Variants in NOP58 observed in about 807,000 individuals in gnomAD.
The protein encoded by NOP58 is nucleolar protein 58.
A neutral mutation model predicts 71.2 loss-of-function variants in NOP58; 44 were observed. That is an observed-to-expected ratio of 0.62 (90% CI 0.49 to 0.79). NOP58 has a LOEUF of 0.79. Among genes scored for constraint, NOP58 ranks in the 30% least tolerant of loss-of-function variants. The pLI, the probability that NOP58 is intolerant of heterozygous loss-of-function variation, is 0.00. For missense variants in NOP58, 538 were observed against 620.2 expected (o/e 0.87, Z 1.41); for synonymous variants, 228 against 200.3 (o/e 1.14, Z -1.17).
At chr2:202,290,233 C>A in intron 6 of NOP58, 90 bp from the exon 7 acceptor site, 1 of 1,086,186 alleles carries the variant, frequency 9.2e-7, no homozygotes. Context: ...AGCCACCGTG[C>A]CCAGCCTGAA....
chr2:202,272,177 G>T (rs1262864829), intron 1 of NOP58, among the ~76,000 whole-genome samples: 1 of 121,134 alleles, frequency 8.3e-6, no homozygotes. Flanking sequence ...TTTTTGAGAC[G>T]GAGTCTTGCT....
At chr2:202,285,466 C>G (rs1688771923) in intron 5 of NOP58, among the ~76,000 whole-genome samples, 1 of 151,344 alleles carries the variant, frequency 6.6e-6, no homozygotes, top group African/African-American at 2.4e-5. Flanking sequence ...CCACCTCAGC[C>G]TCCCAAGTAG....
At chr2:202,284,708 T>C in intron 5 of NOP58, 3 of 449,018 alleles carry the variant, frequency 6.7e-6, no homozygotes, top group Middle Eastern at 5.7e-4. Context: ...ATTGTCTGGA[T>C]TCTTAAAACC....
chr2:202,298,488 T>A (rs925498601), intron 12 of NOP58, among the ~76,000 whole-genome samples: 2 of 152,032 alleles, frequency 1.3e-5, no homozygotes, highest in Non-Finnish European at 2.9e-5. Flanking sequence ...CCATCTCTAC[T>A]AAAAATACAA....
intron 1 of NOP58, among the ~76,000 whole-genome samples, chr2:202,273,098 C>G (rs542886823): frequency 1.1e-4 from 16 of 152,216 alleles, no homozygotes; most frequent in Non-Finnish European, 1.9e-4. Flanking sequence ...GCACTCCAGC[C>G]TGGGCGACAG....
chr2:202,295,698 A>T lies in NOP58; in HGVS notation c.932A>T (p.His311Leu). The change falls in exon 10 of 15, where the codon CAT becomes CTT. Residue 311 changes from histidine to leucine, a missense_variant. Coordinates refer to ENST00000264279, the MANE Select transcript of NOP58 (RefSeq NM_015934.5). Reference sequence around the variant, plus strand: ...GGTTCTCTTTTAAATTTGGCCAAGCATGCAGCTTCTACCGTTCAGATTCTT... The same window carrying T: ...GGTTCTCTTTTAAATTTGGCCAAGCTTGCAGCTTCTACCGTTCAGATTCTT... The part of the protein sequence containing the change: ...HAGSLLNLAK[H>L]AASTVQILGA... 3 of 1,590,550 alleles carry T rather than the reference A, an allele frequency of 1.9e-6. No individual in the cohort carries two copies. The highest frequency in any genetic ancestry group is 2.6e-6 in the Non-Finnish European group (3 of 1,171,776).
chr2:202,296,567 A>G (rs1056693644), intron 10 of NOP58, among the ~76,000 whole-genome samples: 1 of 152,234 alleles, frequency 6.6e-6, no homozygotes, highest in African/African-American at 2.4e-5. Flanking sequence ...TGAGGCTTAG[A>G]CAAGTTAAGT....
rs1241091843 is a variant in NOP58, at chr2:202,284,661, G to A, written c.434+180G>A. ...CCCAAGGTCAATACAGCTGGTAAGT[G>A]GTAAAGCCAGGATTTGAACCCAGGC... On this transcript the variant is annotated intron_variant, in intron 5 of 14. Transcript: ENST00000264279. 3 of 577,660 alleles carry A rather than the reference G, an allele frequency of 5.2e-6. No homozygotes were observed. The East Asian group carries it at 9.4e-5, about 18-fold the overall frequency. The allele number at this position is 577,660 out of a possible 1,614,324, so 35.8% of individuals were successfully genotyped here. A position where few individuals can be genotyped will look rare whatever the true frequency, so the allele number is the denominator to read the frequency against.
rs869075798 is a variant in NOP58 at position 202,291,968 on chromosome 2, C to CTTTTTTTTTTTTTTTT, written c.780+719_780+734dup. On this transcript the variant is annotated intron_variant, in intron 8 of 14. Coordinates refer to ENST00000264279, the MANE Select transcript of NOP58 (RefSeq NM_015934.5). ...GATACAAATGTTTATTGCTCAGAAT[C>CTTTTTTTTTTTTTTTT]TTTTTTTTTTTTTTTTTTTTTTTTT... Among the ~76,000 whole-genome samples the CTTTTTTTTTTTTTTTT allele has an allele frequency of 1.6e-4, 7 of 43,946 alleles. 3 individuals carry two copies. Among genetic ancestry groups the CTTTTTTTTTTTTTTTT allele is most frequent in the Admixed American group, 1.1e-3 (4 of 3,498 alleles). The allele number at this position is 43,946 out of a possible 152,430, so 28.8% of individuals were successfully genotyped here.
intron 9 of NOP58, 125 bp downstream of exon 9, chr2:202,293,028 T>A: frequency 1.0e-6 from 1 of 988,628 alleles, no homozygotes. Flanking sequence ...GTAGATGATA[T>A]GTGGGAGATC....
intron 14 of NOP58, 93 bp from the exon 15 acceptor site, chr2:202,303,293 C>T: frequency 6.4e-7 from 1 of 1,555,432 alleles, no homozygotes; most frequent in Non-Finnish European, 8.7e-7. Flanking sequence ...CTCAAGCTTA[C>T]TTTTTTTATA....
At chr2:202,300,106 G>A (rs1689065814) in intron 12 of NOP58, 128 bp from the exon 13 acceptor site, 1 of 781,372 alleles carries the variant, frequency 1.3e-6, no homozygotes, top group African/African-American at 1.8e-5. Flanking sequence ...CTACCCCAAA[G>A]CCACTAAAAT....
chr2:202,286,457 A>G lies in NOP58; in HGVS notation c.435-1203A>G, dbSNP rs950883863. Among the ~76,000 whole-genome samples the G allele has an allele frequency of 3.3e-5, 5 of 152,006 alleles. No homozygotes were observed. The South Asian group carries it at 1.0e-3, about 32-fold the overall frequency. ...GAGGTGGAGCTTGCAGTGAGTGGAG[A>G]TTGCTCCACTGCACTCCAGCCTGGG... On this transcript the variant is annotated intron_variant, in intron 5 of 14. Coordinates refer to ENST00000264279, the MANE Select transcript of NOP58 (RefSeq NM_015934.5).
At chr2:202,287,593 T>G (rs1316389001) in intron 5 of NOP58, 67 bp from the exon 6 acceptor site, 1 of 1,256,512 alleles carries the variant, frequency 8.0e-7, no homozygotes, top group South Asian at 1.2e-5. Flanking sequence ...AAAAAAACTT[T>G]AAGGTGTTAA....
At chr2:202,287,553 A>T in intron 5 of NOP58, 107 bp from the exon 6 acceptor site, 2 of 772,262 alleles carry the variant, frequency 2.6e-6, no homozygotes, top group Non-Finnish European at 4.4e-6. Context: ...AGCTCTGACT[A>T]CAGGCTGATT....
intron 4 of NOP58, among the ~76,000 whole-genome samples, chr2:202,283,656 G>A (rs1251879560): frequency 6.6e-6 from 1 of 151,452 alleles, no homozygotes; most frequent in Admixed American, 6.6e-5. Flanking sequence ...GGCCAAGATG[G>A]TCTCGATCTA....
intron 3 of NOP58, chr2:202,278,319 A>G: frequency 4.0e-6 from 2 of 501,356 alleles, no homozygotes; most frequent in South Asian, 3.1e-5. Context: ...GGTGTTCTAC[A>G]AGGGACCAAG....
At chr2:202,271,890 C>T (rs1688516541) in intron 1 of NOP58, among the ~76,000 whole-genome samples, 1 of 152,080 alleles carries the variant, frequency 6.6e-6, no homozygotes, top group Non-Finnish European at 1.5e-5. Context: ...GCTGTAGTGA[C>T]ATAGGACCAC....
At chr2:202,267,929 A>T (rs1340011059) in intron 1 of NOP58, among the ~76,000 whole-genome samples, 2 of 152,218 alleles carry the variant, frequency 1.3e-5, no homozygotes, top group African/African-American at 2.4e-5. Context: ...ATTGTGGTTT[A>T]TGTAACCTAG....
Sources: allele counts gnomAD v4.1 joint callset (sites outside exome capture counted in the v4.1 genomes callset), GRCh38; gene constraint gnomAD v4.1.1; transcripts MANE v1.5; gene names NCBI Gene and HGNC (gene_info 2026-07-23, HGNC 2026-07-21).